Variants in PNRC2 observed in about 807,000 individuals in gnomAD.
PNRC2 encodes proline-rich nuclear receptor coactivator 2.
In PNRC2, 2 loss-of-function variants were observed where a neutral mutation model predicts 12.2. The observed-to-expected ratio is 0.16, with a 90% CI of 0.07 to 0.52. PNRC2 has a LOEUF of 0.52. PNRC2 is among the 20% of genes least tolerant of loss of function. The pLI is 0.95. For synonymous variants in PNRC2, 44 were observed against 53.9 expected (o/e 0.82, Z 0.80); for missense variants, 115 against 158.4 (o/e 0.73, Z 1.47).
chr1:23,961,397 C>T (rs1340789853), intron 2 of PNRC2, 43 bp from the exon 3 acceptor site: 8 of 1,415,222 alleles, frequency 5.7e-6, no homozygotes, highest in East Asian at 4.6e-5. Context: ...TTGAACTTTT[C>T]TTAATGGAAT....
Position 23,962,015 on chromosome 1 carries a change from T to C in PNRC2, c.*138T>C. 1 of 601,118 alleles carries C rather than the reference T, an allele frequency of 1.7e-6. No individual in the cohort carries two copies. The highest frequency in any genetic ancestry group is 3.0e-6 in the Non-Finnish European group (1 of 336,904). The allele number at this position is 601,118 out of a possible 1,614,324, so 37.2% of individuals were successfully genotyped here. ...CCATCTCGTGTTGTGTGCACTGTGA[T>C]ATAATGGTAGTATCAGTGCAACTTA... On this transcript the variant is annotated 3_prime_UTR_variant, in exon 3 of 3. Transcript: ENST00000334351.
Position 23,959,860 on chromosome 1 carries a change from T to C in PNRC2, c.-363T>C, listed in dbSNP as rs1641243052. On this transcript the variant is annotated 5_prime_UTR_variant, in exon 1 of 3. Transcript: ENST00000334351. ...GAGGCAGAAGGAGAAGGTCGGGTTG[T>C]AGAAGCTGGGGTGGCCGGCAGCTCG... 6.6e-6 allele frequency: 1 copy of C among 152,308 alleles called. No homozygotes were observed. Among genetic ancestry groups the C allele is most frequent in the African/African-American group, 2.4e-5 (1 of 41,458 alleles). The allele number at this position is 152,308 out of a possible 1,614,324, so 9.4% of individuals were successfully genotyped here.
intron 1 of PNRC2, among the ~76,000 whole-genome samples, chr1:23,960,531 G>C (rs1359088669): frequency 6.6e-6 from 1 of 152,232 alleles, no homozygotes; most frequent in Non-Finnish European, 1.5e-5. Context: ...TGTGACATGT[G>C]TGGAAAGATT....
rs1267302670 is a variant in PNRC2 at position 23,963,317 on chromosome 1, T to C, written c.*1440T>C. The C allele has an allele frequency of 1.2e-5, 2 of 166,976 alleles. No homozygotes were observed. Among genetic ancestry groups the C allele is most frequent in the Non-Finnish European group, 2.9e-5 (2 of 68,034 alleles). 10.3% of individuals were successfully genotyped at this position (166,976 alleles called of 1,614,324 possible). On this transcript the variant is annotated 3_prime_UTR_variant, in exon 3 of 3. Coordinates refer to ENST00000334351, the MANE Select transcript of PNRC2 (RefSeq NM_017761.4). ...TAAGCAGATGCCTAAGCTGTATTTC[T>C]CCAAATAAATCAAGATGAAGTACTG...
intron 1 of PNRC2, 64 bp downstream of exon 1, chr1:23,960,062 A>AGGAGGCGAGC (rs1553147009): frequency 2.6e-5 from 4 of 152,202 alleles, no homozygotes; most frequent in South Asian, 2.1e-4. Flanking sequence ...TGTTGGAGGA[A>AGGAGGCGAGC]GGAGGCGAGC....
In PNRC2 at chr1:23,963,267, T is replaced by G. The variant is rs1434197757; in HGVS notation, c.*1390T>G. The G allele has an allele frequency of 6.0e-6, 1 of 167,050 alleles. No homozygotes were observed. The allele number at this position is 167,050 out of a possible 1,614,324, so 10.3% of individuals were successfully genotyped here. A position where few individuals can be genotyped will look rare whatever the true frequency, so the allele number is the denominator to read the frequency against. On this transcript the variant is annotated 3_prime_UTR_variant, in exon 3 of 3. Transcript: ENST00000334351. Reference sequence around the variant, plus strand: ...ATTGTTAATGCCCTATTTTCTAATTTGGCACCTCTTGATGCCTAAGCAGGT... The same window carrying G: ...ATTGTTAATGCCCTATTTTCTAATTGGGCACCTCTTGATGCCTAAGCAGGT...
rs1641293480 is a variant in PNRC2 at position 23,962,188 on chromosome 1, T to C, written c.*311T>C. On this transcript the variant is annotated 3_prime_UTR_variant, in exon 3 of 3. Transcript: ENST00000334351. Reference sequence around the variant, plus strand: ...TTATCATTCATGGACCAGTAGATTGTTGAAAGTTGGTGAATCGGATTATAA... The same window carrying C: ...TTATCATTCATGGACCAGTAGATTGCTGAAAGTTGGTGAATCGGATTATAA... 1 of 220,284 alleles carries C rather than the reference T, an allele frequency of 4.5e-6. No homozygotes were observed. 13.6% of individuals were successfully genotyped at this position (220,284 alleles called of 1,614,324 possible). A position where few individuals can be genotyped will look rare whatever the true frequency, so the allele number is the denominator to read the frequency against.
chr1:23,960,096 G>GGCGGGCGCGGGCGGTC (rs1553147014), intron 1 of PNRC2, 98 bp downstream of exon 1: 2 of 152,202 alleles, frequency 1.3e-5, no homozygotes, highest in African/African-American at 4.8e-5. Context: ...GGGTAACCCG[G>GGCGGGCGCGGGCGGTC]GCGGGCGCGG....
intron 1 of PNRC2, among the ~76,000 whole-genome samples, chr1:23,960,285 C>G (rs979380034): frequency 6.6e-6 from 1 of 152,210 alleles, no homozygotes; most frequent in Non-Finnish European, 1.5e-5. Context: ...GCTCTCTTAC[C>G]CCTTTGAAAG....
At position 23,962,063 on chromosome 1, in the gene PNRC2, T is replaced by C. The variant is rs1641291134; in HGVS notation, c.*186T>C. On this transcript the variant is annotated 3_prime_UTR_variant, in exon 3 of 3. Transcript: ENST00000334351. ...TTAAACTAATGATTGTACTTGATATTAAGTGTTCTCAACTGAGTAACTTTT... is the reference window on the plus strand; with the variant it reads ...TTAAACTAATGATTGTACTTGATATCAAGTGTTCTCAACTGAGTAACTTTT... 1.9e-6 allele frequency: 1 copy of C among 524,986 alleles called. No individual in the cohort carries two copies. The allele number at this position is 524,986 out of a possible 1,614,324, so 32.5% of individuals were successfully genotyped here. A position where few individuals can be genotyped will look rare whatever the true frequency, so the allele number is the denominator to read the frequency against.
At chr1:23,960,081 G>C (rs1205287861) in intron 1 of PNRC2, 83 bp downstream of exon 1, 2 of 152,230 alleles carry the variant, frequency 1.3e-5, no homozygotes, top group Admixed American at 6.5e-5. Context: ...GCGGAGGCGA[G>C]ATCCGGGTAA....
Position 23,961,153 on chromosome 1 carries a change from A to C in PNRC2, c.-19+19A>C. 2.4e-6 allele frequency: 1 copy of C among 417,658 alleles called. No homozygotes were observed. Among genetic ancestry groups the C allele is most frequent in the Non-Finnish European group, 4.2e-6 (1 of 235,880 alleles). The allele number at this position is 417,658 out of a possible 1,614,324, so 25.9% of individuals were successfully genotyped here. A position where few individuals can be genotyped will look rare whatever the true frequency, so the allele number is the denominator to read the frequency against. ...CTGAAAGGTAATCATCATAATGGGCAAACATTTTATGATGGAACCATCCTA... is the reference window on the plus strand; with the variant it reads ...CTGAAAGGTAATCATCATAATGGGCCAACATTTTATGATGGAACCATCCTA... On this transcript the variant is annotated intron_variant, in intron 2 of 2. Transcript: ENST00000334351.
upstream of PNRC2, among the ~76,000 whole-genome samples, chr1:23,959,431 C>A (rs1039687855): frequency 1.3e-5 from 2 of 152,216 alleles, no homozygotes; most frequent in Admixed American, 6.5e-5. Flanking sequence ...TCAATACAGG[C>A]TACAGGACTC....
In PNRC2 at chr1:23,959,843, A is replaced by C. The variant is rs1641242594; in HGVS notation, c.-380A>C. On this transcript the variant is annotated 5_prime_UTR_variant, in exon 1 of 3. Transcript: ENST00000334351. ...ACTCCATTTTGTCGGTAGAGGCAGAAGGAGAAGGTCGGGTTGTAGAAGCTG... is the reference window on the plus strand; with the variant it reads ...ACTCCATTTTGTCGGTAGAGGCAGACGGAGAAGGTCGGGTTGTAGAAGCTG... The C allele has an allele frequency of 6.6e-6, 1 of 152,328 alleles. No homozygotes were observed. Among genetic ancestry groups the C allele is most frequent in the African/African-American group, 2.4e-5 (1 of 41,470 alleles). 9.4% of individuals were successfully genotyped at this position (152,328 alleles called of 1,614,324 possible).
upstream of PNRC2, chr1:23,959,227 G>C (rs1490874919): frequency 1.3e-5 from 2 of 152,172 alleles, no homozygotes; most frequent in African/African-American, 4.8e-5. Context: ...GCGTGTGTCT[G>C]AACCGCCTTC....
chr1:23,961,252 C>G, intron 2 of PNRC2, 118 bp downstream of exon 2: 1 of 498,872 alleles, frequency 2.0e-6, no homozygotes, highest in Admixed American at 3.7e-5. Flanking sequence ...GAAGGTATAA[C>G]AATAAAGGTT....
rs563995357 is a variant in PNRC2, at chr1:23,961,256, A to G, written c.-19+122A>G. 3 of 503,024 alleles carry G rather than the reference A, an allele frequency of 6.0e-6. No individual in the cohort carries two copies. The South Asian group carries it at 1.3e-4, about 22-fold the overall frequency. 31.2% of individuals were successfully genotyped at this position (503,024 alleles called of 1,614,324 possible). On this transcript the variant is annotated intron_variant, in intron 2 of 2. Transcript: ENST00000334351. The stretch of plus-strand genomic sequence containing the variant: ...TTTTTCTTAGGGAAGGTATAACAAT[A>G]AAGGTTGTGCATATATTGAAGTCTG...
At chr1:23,960,464 T>C (rs996599635) in intron 1 of PNRC2, among the ~76,000 whole-genome samples, 6 of 152,168 alleles carry the variant, frequency 3.9e-5, no homozygotes, top group Non-Finnish European at 8.8e-5. Flanking sequence ...GCGAGAGCGT[T>C]CATAACCAAA....
chr1:23,959,516 G>A (rs1293896629), upstream of PNRC2, among the ~76,000 whole-genome samples: 3 of 152,024 alleles, frequency 2.0e-5, no homozygotes, highest in East Asian at 1.9e-4. Flanking sequence ...AGGGCGGCGA[G>A]CCCGCGCGCA....
Sources: allele counts gnomAD v4.1 joint callset (sites outside exome capture counted in the v4.1 genomes callset), GRCh38; gene constraint gnomAD v4.1.1; transcripts MANE v1.5; gene names NCBI Gene and HGNC (gene_info 2026-07-23, HGNC 2026-07-21).